The following JPH2 variants were observed in gnomAD, a reference collection of about 807,000 sequenced individuals.
JPH2 encodes the protein junctophilin 2.
Under a neutral mutation model 55.9 loss-of-function variants are expected in JPH2, and 38 were observed. The ratio of observed to expected loss-of-function variants is 0.68; its 90% CI spans 0.52 to 0.89. The LOEUF (loss-of-function observed/expected upper bound fraction) is 0.89, where lower values mean the gene tolerates loss of function less well. JPH2 is among the 40% of genes least tolerant of loss of function. The pLI, the probability that JPH2 is intolerant of heterozygous loss-of-function variation, is 0.00. For missense variants in JPH2, 964 were observed against 1,037.6 expected (o/e 0.93, Z 0.97); for synonymous variants, 480 against 472.4 (o/e 1.02, Z -0.21).
chr20:44,119,628 C>T (rs1405448861), intron 2 of JPH2, among the ~76,000 whole-genome samples: 5 of 152,144 alleles, frequency 3.3e-5, no homozygotes, highest in Non-Finnish European at 7.4e-5. Flanking sequence ...AATCCCAACA[C>T]TTTGGGAGGC....
chr20:44,107,049 A>G lies in JPH2; in HGVS notation c.*6469T>C, dbSNP rs1035925898. Among the ~76,000 whole-genome samples the G allele has an allele frequency of 1.3e-5, 2 of 152,060 alleles. No homozygotes were observed. Among genetic ancestry groups the G allele is most frequent in the Admixed American group, 1.3e-4 (2 of 15,272 alleles). On this transcript the variant is annotated 3_prime_UTR_variant, in exon 6 of 6. Coordinates refer to ENST00000372980, the MANE Select transcript of JPH2 (RefSeq NM_020433.5). Reference sequence around the variant, plus strand: ...GTTCTGCATTTTCCTCCTTCCTTTCACAGGTTTTGATCCCTAATAAACATC... The same window carrying G: ...GTTCTGCATTTTCCTCCTTCCTTTCGCAGGTTTTGATCCCTAATAAACATC...
chr20:44,159,794 C>T lies in JPH2; in HGVS notation c.993G>A (p.Leu331=). The T allele has an allele frequency of 6.2e-7, 1 of 1,612,980 alleles. No homozygotes were observed. The highest frequency in any genetic ancestry group is 1.1e-5 in the South Asian group (1 of 91,072). Residue 331 remains leucine (L), a synonymous_variant, in exon 2 of 6, where the codon CTG becomes CTA. Coordinates refer to ENST00000372980, the MANE Select transcript of JPH2 (RefSeq NM_020433.5). This position sits in a 1 kb window ranked among gnomAD's most constrained non-coding sequence, Gnocchi z 5.7. ...TGCCCTCCTCGCGGTGGCCGTCGGG[C>T]AGCGTGGTGCAGCCATAGCCGTGGC... ...NLRHGYGCTT[L]PDGHREEGKY...
In JPH2 at chr20:44,160,524, G is replaced by C. The variant is rs914841890; in HGVS notation, c.380-117C>G. 3.0e-6 allele frequency: 3 copies of C among 1,008,728 alleles called. No individual in the cohort carries two copies. Among genetic ancestry groups the C allele is most frequent in the East Asian group, 2.6e-5 (1 of 38,644 alleles). The allele number at this position is 1,008,728 out of a possible 1,614,324, so 62.5% of individuals were successfully genotyped here. On this transcript the variant is annotated intron_variant, in intron 1 of 5. Coordinates refer to ENST00000372980, the MANE Select transcript of JPH2 (RefSeq NM_020433.5). This position sits in a 1 kb window ranked among gnomAD's most constrained non-coding sequence, Gnocchi z 4.9. The stretch of plus-strand genomic sequence containing the variant: ...GGCGGGGTGGGACCGAGAGGCGCAA[G>C]GCCGTCTGAGGGTCAGGGTGCACAG...
rs1185846892 is a variant in JPH2, at chr20:44,133,922, A to T, written c.1170-15299T>A. On this transcript the variant is annotated intron_variant, in intron 2 of 5. Transcript: ENST00000372980. The stretch of plus-strand genomic sequence containing the variant: ...TATATAAATAAATATACATTATAAT[A>T]TATAAATATATATTTATTATAAATA... 9.1e-5 allele frequency among the ~76,000 whole-genome samples: 4 copies of T among 44,142 alleles called. 1 individual carries two copies. The highest frequency in any genetic ancestry group is 1.5e-4 in the Non-Finnish European group (4 of 26,360). 29.0% of individuals were successfully genotyped at this position (44,142 alleles called of 152,430 possible). A position where few individuals can be genotyped will look rare whatever the true frequency, so the allele number is the denominator to read the frequency against.
In JPH2 at chr20:44,153,282, A is replaced by T. The variant is rs2072543893; in HGVS notation, c.1169+6336T>A. The stretch of plus-strand genomic sequence containing the variant: ...AGCTACTTCTTTTACTCTCTGCAGC[A>T]TTACTTTCAGGGAGGAGGTAATATA... On this transcript the variant is annotated intron_variant, in intron 2 of 5. Transcript: ENST00000372980. 1.3e-5 allele frequency among the ~76,000 whole-genome samples: 2 copies of T among 152,220 alleles called. 1 individual carries two copies. Among genetic ancestry groups the T allele is most frequent in the South Asian group, 4.1e-4 (2 of 4,826 alleles).
intron 2 of JPH2, among the ~76,000 whole-genome samples, chr20:44,145,452 A>T (rs2072487181): frequency 1.3e-5 from 2 of 152,110 alleles, no homozygotes; most frequent in Non-Finnish European, 2.9e-5. Flanking sequence ...CGAAAAATAC[A>T]AAAGTTAGCT....
chr20:44,130,050 A>T (rs2072306589), intron 2 of JPH2, among the ~76,000 whole-genome samples: 1 of 141,906 alleles, frequency 7.0e-6, no homozygotes, highest in Admixed American at 7.5e-5. Context: ...AGTTTGTAGT[A>T]ATTTGTTACT....
chr20:44,135,768 A>C (rs2072407835), intron 2 of JPH2, among the ~76,000 whole-genome samples: 2 of 152,296 alleles, frequency 1.3e-5, no homozygotes, highest in South Asian at 4.1e-4. Flanking sequence ...GACCCTTAGA[A>C]ATCATCTCAT....
intron 2 of JPH2, among the ~76,000 whole-genome samples, chr20:44,151,718 G>A (rs1396161675): frequency 6.6e-6 from 1 of 152,092 alleles, no homozygotes; most frequent in Non-Finnish European, 1.5e-5. Context: ...CTTTTAGCTT[G>A]TAACGTCAGA....
chr20:44,128,054 C>T lies in JPH2; in HGVS notation c.1170-9431G>A, dbSNP rs556777708. Among the ~76,000 whole-genome samples the T allele has an allele frequency of 2.6e-5, 4 of 152,102 alleles. No individual in the cohort carries two copies. The South Asian group carries it at 8.3e-4, about 32-fold the overall frequency. ...TATATATGATTTACAAATAGTTTTC[C>T]CATTCTCTGGGCTGTCTTTTCACTT... On this transcript the variant is annotated intron_variant, in intron 2 of 5. Transcript: ENST00000372980.
At chr20:44,149,148 T>C (rs2072513576) in intron 2 of JPH2, among the ~76,000 whole-genome samples, 1 of 148,864 alleles carries the variant, frequency 6.7e-6, no homozygotes, top group African/African-American at 2.5e-5. Context: ...TGCCCCAGGC[T>C]TCTGGAAGCC....
chr20:44,134,603 T>C (rs369959915), intron 2 of JPH2, among the ~76,000 whole-genome samples: 1 of 24,262 alleles, frequency 4.1e-5, no homozygotes, highest in African/African-American at 2.1e-4. Flanking sequence ...AATATATATT[T>C]ATTATAAATA....
chr20:44,123,882 G>A (rs2072257482), intron 2 of JPH2, among the ~76,000 whole-genome samples: 1 of 152,128 alleles, frequency 6.6e-6, no homozygotes, highest in South Asian at 2.1e-4. Context: ...AACCCCCTAG[G>A]AGCCTTGGAT....
chr20:44,172,224 G>A (rs534062400), intron 1 of JPH2, among the ~76,000 whole-genome samples: 4 of 152,254 alleles, frequency 2.6e-5, no homozygotes, highest in African/African-American at 9.6e-5. Flanking sequence ...GCTAATACCG[G>A]GCAGTTTCAG....
At chr20:44,177,598 G>A (rs760135772) in intron 1 of JPH2, 243 of 1,167,340 alleles carry the variant, frequency 2.1e-4, no homozygotes, top group Non-Finnish European at 2.5e-4. Flanking sequence ...TGACTGTCAC[G>A]CTGATGCCTG....
rs376077213 is a variant in JPH2, at chr20:44,114,794, G to T, written c.*2C>A. 6.2e-7 allele frequency: 1 copy of T among 1,601,368 alleles called. No individual in the cohort carries two copies. The highest frequency in any genetic ancestry group is 1.1e-5 in the South Asian group (1 of 88,144). Reference sequence around the variant, plus strand: ...CAGCTGGCTGCACCTGGTAAGCGACGGTCAGGTCAGGAGGTGAACAAAGAG... The same window carrying T: ...CAGCTGGCTGCACCTGGTAAGCGACTGTCAGGTCAGGAGGTGAACAAAGAG... On this transcript the variant is annotated 3_prime_UTR_variant, in exon 5 of 6. Transcript: ENST00000372980.
At chr20:44,133,496 G>C (rs549120659) in intron 2 of JPH2, among the ~76,000 whole-genome samples, 31 of 152,166 alleles carry the variant, frequency 2.0e-4, no homozygotes, top group African/African-American at 6.7e-4. Flanking sequence ...TCTGGGTTGT[G>C]ATGGAACGGC....
At chr20:44,162,773 TATATATATATATATACAC>T (rs1442750494) in intron 1 of JPH2, among the ~76,000 whole-genome samples, 14 of 81,906 alleles carry the variant, frequency 1.7e-4, no homozygotes, top group African/African-American at 3.6e-4. Flanking sequence ...TATATATATA[TATATATATATATATACAC>T]ACACACACAC....
chr20:44,158,019 A>T (rs2072577901), intron 2 of JPH2, among the ~76,000 whole-genome samples: 1 of 152,244 alleles, frequency 6.6e-6, no homozygotes, highest in South Asian at 2.1e-4. Context: ...TAAGAACAGT[A>T]TCTACCTTTT....
Sources: allele counts gnomAD v4.1 joint callset (sites outside exome capture counted in the v4.1 genomes callset), GRCh38; gene constraint gnomAD v4.1.1; non-coding constraint Gnocchi (gnomAD v3.1); transcripts MANE v1.5; gene names NCBI Gene and HGNC (gene_info 2026-07-23, HGNC 2026-07-21).